The following TRIO variants were observed in gnomAD, a reference collection of about 807,000 sequenced individuals.
TRIO encodes triple functional domain protein.
In TRIO, 58 loss-of-function variants were observed where a neutral mutation model predicts 351.9. The observed-to-expected ratio is 0.16, with a 90% CI of 0.13 to 0.21. The LOEUF (loss-of-function observed/expected upper bound fraction) is 0.21, where lower values mean the gene tolerates loss of function less well. Ranked by LOEUF, TRIO falls within the 10% of genes least tolerant of loss-of-function variation. The pLI, the probability that TRIO is intolerant of heterozygous loss-of-function variation, is 1.00. For synonymous variants in TRIO, 1,758 were observed against 1,595.7 expected (o/e 1.10, Z -2.42); for missense variants, 3,201 against 4,027.8 (o/e 0.79, Z 5.56).
At chr5:14,349,460 T>C (rs1742834859) in intron 11 of TRIO, among the ~76,000 whole-genome samples, 1 of 152,244 alleles carries the variant, frequency 6.6e-6, no homozygotes. Context: ...CAGACTATTT[T>C]AGAGGAGTCA....
At chr5:14,332,772 G>A (rs567881112) in intron 10 of TRIO, among the ~76,000 whole-genome samples, 26 of 152,116 alleles carry the variant, frequency 1.7e-4, no homozygotes, top group Non-Finnish European at 3.4e-4. Flanking sequence ...CGGAGCCTCG[G>A]TTTTCCTTGC....
chr5:14,318,234 C>T (rs1367485186), intron 9 of TRIO, among the ~76,000 whole-genome samples: 4 of 132,026 alleles, frequency 3.0e-5, no homozygotes, highest in African/African-American at 1.2e-4. Context: ...GCGGAGGTTG[C>T]AGTGGGCCGA....
At chr5:14,471,600 A>T in intron 38 of TRIO, 134 bp downstream of exon 38, 2 of 1,196,550 alleles carry the variant, frequency 1.7e-6, no homozygotes, top group South Asian at 1.6e-5. Context: ...AAGTAACTGC[A>T]CGTATGTAAA....
intron 1 of TRIO, among the ~76,000 whole-genome samples, chr5:14,156,911 A>G (rs1581244498): frequency 2.0e-5 from 3 of 152,346 alleles, no homozygotes; most frequent in South Asian, 2.1e-4. Flanking sequence ...CACAAAATTG[A>G]AAAATCAGGA....
chr5:14,462,552 G>A (rs1753907448), intron 35 of TRIO, among the ~76,000 whole-genome samples: 1 of 152,188 alleles, frequency 6.6e-6, no homozygotes, highest in Admixed American at 6.5e-5. Flanking sequence ...GACACATTCA[G>A]TGGCCATTCT....
chr5:14,396,003 G>GC (rs896084314), intron 28 of TRIO, among the ~76,000 whole-genome samples: 4 of 134,800 alleles, frequency 3.0e-5, no homozygotes, highest in African/African-American at 1.2e-4. Flanking sequence ...CCGAGATCAC[G>GC]CCATTGCACT....
intron 30 of TRIO, among the ~76,000 whole-genome samples, chr5:14,400,126 G>A (rs1035084425): frequency 1.3e-5 from 2 of 152,112 alleles, no homozygotes; most frequent in African/African-American, 2.4e-5. Context: ...GTTTGAGATC[G>A]TCTTTTGGAT....
intron 1 of TRIO, among the ~76,000 whole-genome samples, chr5:14,195,658 A>G (rs1484344383): frequency 6.6e-6 from 1 of 152,176 alleles, no homozygotes; most frequent in East Asian, 1.9e-4. Context: ...CGCTTATTCC[A>G]CTTTTGTAGT....
intron 53 of TRIO, chr5:14,498,966 G>A (rs1757088282): frequency 3.5e-6 from 1 of 282,462 alleles, no homozygotes; most frequent in Non-Finnish European, 6.9e-6. Context: ...CTGAGTTGGA[G>A]CAGGGTGCTT....
chr5:14,336,418 T>A, intron 10 of TRIO, 118 bp from the exon 11 acceptor site: 1 of 1,039,076 alleles, frequency 9.6e-7, no homozygotes, highest in Non-Finnish European at 1.4e-6. Context: ...TTCTGTTTGA[T>A]TCATGTAAGT....
At chr5:14,208,104 T>C (rs893077830) in intron 1 of TRIO, among the ~76,000 whole-genome samples, 1 of 152,244 alleles carries the variant, frequency 6.6e-6, no homozygotes, top group Admixed American at 6.5e-5. Flanking sequence ...TTGCAGTTTC[T>C]TAAAAGTTTA....
At chr5:14,161,730 C>T (rs532159939) in intron 1 of TRIO, among the ~76,000 whole-genome samples, 1 of 152,248 alleles carries the variant, frequency 6.6e-6, no homozygotes, top group African/African-American at 2.4e-5. Context: ...AAAAACTCTA[C>T]TTGTAGTTTG....
intron 11 of TRIO, among the ~76,000 whole-genome samples, chr5:14,343,577 T>C (rs949351201): frequency 6.6e-6 from 1 of 152,224 alleles, no homozygotes; most frequent in African/African-American, 2.4e-5. Context: ...CTTTGTCGCA[T>C]GTGTCTGTAG....
At chr5:14,412,992 T>C (rs1749330620) in intron 33 of TRIO, among the ~76,000 whole-genome samples, 2 of 151,790 alleles carry the variant, frequency 1.3e-5, no homozygotes, top group South Asian at 4.1e-4. Flanking sequence ...TTTAGATCAG[T>C]GACTAGCATG....
intron 54 of TRIO, among the ~76,000 whole-genome samples, chr5:14,503,521 G>A (rs1024231661): frequency 6.6e-6 from 1 of 152,214 alleles, no homozygotes; most frequent in African/African-American, 2.4e-5. Context: ...CGTGTCAGAG[G>A]CGTTGTCTGG....
intron 10 of TRIO, among the ~76,000 whole-genome samples, chr5:14,334,370 A>C (rs937435838): frequency 6.6e-6 from 1 of 152,218 alleles, no homozygotes; most frequent in South Asian, 2.1e-4. Context: ...ATGTTCTTCA[A>C]GCACAAGATT....
intron 8 of TRIO, among the ~76,000 whole-genome samples, chr5:14,310,722 G>T (rs1236890865): frequency 6.6e-6 from 1 of 152,224 alleles, no homozygotes; most frequent in Admixed American, 6.5e-5. Context: ...GTCTTCTTCT[G>T]TTGCCCAGGC....
intron 55 of TRIO, 51 bp downstream of exon 55, chr5:14,504,644 G>A (rs1262538019): frequency 2.5e-6 from 4 of 1,590,114 alleles, no homozygotes; most frequent in Non-Finnish European, 3.4e-6. Context: ...CTCCACCTCA[G>A]GGGGTTTTGT....
intron 1 of TRIO, among the ~76,000 whole-genome samples, chr5:14,144,236 G>C (rs978513351): frequency 6.6e-6 from 1 of 152,226 alleles, no homozygotes; most frequent in African/African-American, 2.4e-5. Context: ...CTGGAGGACC[G>C]AGGAGGCGGC....
Sources: allele counts gnomAD v4.1 joint callset (sites outside exome capture counted in the v4.1 genomes callset), GRCh38; gene constraint gnomAD v4.1.1; transcripts MANE v1.5; gene names NCBI Gene and HGNC (gene_info 2026-07-23, HGNC 2026-07-21).